FAM13C: variants seen among roughly 807,000 people sequenced by gnomAD.
FAM13C encodes the protein family with sequence similarity 13 member C.
In FAM13C, 37 loss-of-function variants were observed where a neutral mutation model predicts 73.2. The ratio of observed to expected loss-of-function variants is 0.51; its 90% CI spans 0.39 to 0.67. The LOEUF (loss-of-function observed/expected upper bound fraction) is 0.67, where lower values mean the gene tolerates loss of function less well. Among genes scored for constraint, FAM13C ranks in the 30% least tolerant of loss-of-function variants. The pLI is 0.00. For missense variants in FAM13C, 589 were observed against 715.6 expected, an observed-to-expected ratio of 0.82 and a Z score of 2.02; for synonymous variants, 246 against 260.9, an observed-to-expected ratio of 0.94 and a Z score of 0.55.
chr10:59,325,213 T>C (rs1850934339), intron 3 of FAM13C, among the ~76,000 whole-genome samples: 1 of 152,104 alleles, frequency 6.6e-6, no homozygotes, highest in Non-Finnish European at 1.5e-5. Context: ...AGCTCCTCTA[T>C]TAAGGGTGTG....
At chr10:59,326,038 T>C (rs1241865908) in intron 3 of FAM13C, among the ~76,000 whole-genome samples, 4 of 152,028 alleles carry the variant, frequency 2.6e-5, no homozygotes, top group African/African-American at 7.3e-5. Context: ...AAGAGTACTG[T>C]TTGATTTTTT....
chr10:59,280,290 G>C (rs1844783619), intron 6 of FAM13C, among the ~76,000 whole-genome samples: 1 of 152,152 alleles, frequency 6.6e-6, no homozygotes, highest in Non-Finnish European at 1.5e-5. Context: ...AAGCTGCCTT[G>C]CAGCCAATTT....
chr10:59,298,632 C>A (rs1295318064), intron 5 of FAM13C, among the ~76,000 whole-genome samples: 1 of 152,138 alleles, frequency 6.6e-6, no homozygotes, highest in Admixed American at 6.5e-5. Context: ...AATAATGTGG[C>A]CTGTCTCTCA....
At chr10:59,362,665 GC>G (rs1185018049), upstream of FAM13C, 3 of 1,247,306 alleles carry the variant, frequency 2.4e-6, no homozygotes, top group East Asian at 8.0e-5. Flanking sequence ...AGCCCGCGAG[GC>G]TGCGGGGACA....
At chr10:59,254,019 C>G (rs1261952925) in intron 11 of FAM13C, 4 of 310,658 alleles carry the variant, frequency 1.3e-5, no homozygotes, top group African/African-American at 2.1e-5. Context: ...CAGAAAGGCT[C>G]TGTTTTGTCT....
In FAM13C at chr10:59,278,150, T is replaced by A. The variant is rs959888508; in HGVS notation, c.592+5213A>T. ...CAGACCTCATGTGACTTATTCACTA[T>A]CACGAGAGCAGCATGGGAAAGACCT... On this transcript the variant is annotated intron_variant, in intron 6 of 13. Transcript: ENST00000618804. Among the ~76,000 whole-genome samples the A allele has an allele frequency of 3.9e-5, 6 of 152,266 alleles. No individual in the cohort carries two copies. In the East Asian group the frequency reaches 9.7e-4, roughly 25 times the overall value.
intron 8 of FAM13C, among the ~76,000 whole-genome samples, chr10:59,265,491 A>G (rs1268085648): frequency 6.6e-6 from 1 of 152,040 alleles, no homozygotes; most frequent in East Asian, 1.9e-4. Context: ...CGGAAAGTCA[A>G]TGTTTTACAT....
At chr10:59,316,196 AAGTGCTG>A (rs1289998417) in intron 4 of FAM13C, among the ~76,000 whole-genome samples, 2 of 152,084 alleles carry the variant, frequency 1.3e-5, no homozygotes, top group African/African-American at 4.8e-5. Context: ...CAGGCTCCCA[AAGTGCTG>A]AGATTACAGG....
intron 9 of FAM13C, among the ~76,000 whole-genome samples, chr10:59,263,462 T>C (rs1842717899): frequency 6.6e-6 from 1 of 152,200 alleles, no homozygotes; most frequent in African/African-American, 2.4e-5. Flanking sequence ...TTTTAGTCAC[T>C]TTCCTTGCAG....
chr10:59,321,715 C>A (rs544129119), intron 4 of FAM13C, among the ~76,000 whole-genome samples: 1 of 151,912 alleles, frequency 6.6e-6, no homozygotes, highest in African/African-American at 2.4e-5. Flanking sequence ...ATTTGGCATT[C>A]GTGAAAAGAT....
chr10:59,307,532 G>A (rs966274305), intron 4 of FAM13C, among the ~76,000 whole-genome samples: 1 of 152,150 alleles, frequency 6.6e-6, no homozygotes, highest in African/African-American at 2.4e-5. Context: ...ATAGGAGAAA[G>A]GGTAGTTAAA....
intron 6 of FAM13C, among the ~76,000 whole-genome samples, chr10:59,274,538 G>A (rs1244480336): frequency 6.6e-6 from 1 of 152,104 alleles, no homozygotes; most frequent in Non-Finnish European, 1.5e-5. Context: ...TAGGGAGCTG[G>A]AGGGGTGGGA....
chr10:59,352,588 G>T, intron 2 of FAM13C, 114 bp from the exon 3 acceptor site: 1 of 1,170,106 alleles, frequency 8.5e-7, no homozygotes, highest in Non-Finnish European at 1.2e-6. Context: ...TAGACACCTC[G>T]CAAAATTTTT....
At chr10:59,321,515 T>C (rs538869053) in intron 4 of FAM13C, among the ~76,000 whole-genome samples, 2 of 150,544 alleles carry the variant, frequency 1.3e-5, no homozygotes, top group South Asian at 4.2e-4. Context: ...GATAATAAAT[T>C]TGTGTTTAAA....
In FAM13C at chr10:59,323,945, G is replaced by T. The variant is rs776456687; in HGVS notation, c.443+43C>A. ...GCAAGCACACAGCATTTCTGAGAAA[G>T]GAACCACAAGCACAGAATAGCTTCT... is the stretch of plus-strand genomic sequence containing the variant. On this transcript the variant is annotated intron_variant, in intron 4 of 13. Transcript: ENST00000618804. 5 of 1,540,810 alleles carry T rather than the reference G, an allele frequency of 3.2e-6. No homozygotes were observed. The South Asian group carries it at 5.6e-5, about 17-fold the overall frequency.
At chr10:59,280,375 C>A (rs1813345306) in intron 6 of FAM13C, among the ~76,000 whole-genome samples, 1 of 152,192 alleles carries the variant, frequency 6.6e-6, no homozygotes, top group African/African-American at 2.4e-5. Flanking sequence ...TCACTCCCAA[C>A]CCTTGGACTT....
intron 4 of FAM13C, among the ~76,000 whole-genome samples, chr10:59,319,445 A>T (rs1259616570): frequency 1.3e-5 from 2 of 152,238 alleles, no homozygotes; most frequent in East Asian, 1.9e-4. Flanking sequence ...TGTCGTCATA[A>T]ATTTTAATAC....
chr10:59,268,427 G>T, intron 8 of FAM13C, 126 bp downstream of exon 8: 1 of 1,198,748 alleles, frequency 8.3e-7, no homozygotes, highest in Non-Finnish European at 1.2e-6. Context: ...GATAGGTCCA[G>T]GTTGGCCCAT....
At chr10:59,351,698 T>TA (rs1218015603) in intron 3 of FAM13C, among the ~76,000 whole-genome samples, 1 of 152,048 alleles carries the variant, frequency 6.6e-6, no homozygotes, top group Admixed American at 6.6e-5. Flanking sequence ...GCTGCTCCTT[T>TA]AAATCAAAGT....
Sources: allele counts gnomAD v4.1 joint callset (sites outside exome capture counted in the v4.1 genomes callset), GRCh38; gene constraint gnomAD v4.1.1; transcripts MANE v1.5; gene names NCBI Gene and HGNC (gene_info 2026-07-23, HGNC 2026-07-21).